The following DOCK8 variants were observed in gnomAD, a reference collection of about 807,000 sequenced individuals.
The protein encoded by DOCK8 is dedicator of cytokinesis protein 8.
In DOCK8, 141 loss-of-function variants were observed where a neutral mutation model predicts 245.6. That is an observed-to-expected ratio of 0.57 (90% confidence interval 0.50 to 0.66). The LOEUF (loss-of-function observed/expected upper bound fraction) is 0.66. Among genes scored for constraint, DOCK8 ranks in the 30% least tolerant of loss-of-function variants. The pLI, the probability that DOCK8 is intolerant of heterozygous loss-of-function variation, is 0.00. For missense variants in DOCK8, 2,965 were observed against 2,603.4 expected, an observed-to-expected ratio of 1.14 and a Z score of -3.02; for synonymous variants, 1,168 against 970.2, an observed-to-expected ratio of 1.20 and a Z score of -3.79.
chr9:343,302 G>A (rs76558374), intron 14 of DOCK8, among the ~76,000 whole-genome samples: 4,769 of 152,066 alleles, frequency 0.031, 256 homozygotes, highest in African/African-American at 0.11. Flanking sequence ...AGATCAGCCC[G>A]GGCAACATAG....
At chr9:232,894 C>T (rs1342206648) in intron 1 of DOCK8, among the ~76,000 whole-genome samples, 1 of 152,118 alleles carries the variant, frequency 6.6e-6, no homozygotes, top group Non-Finnish European at 1.5e-5. Context: ...GTTTCTGTTT[C>T]CTTCAGTTCT....
intron 26 of DOCK8, among the ~76,000 whole-genome samples, chr9:400,947 T>TCCTC (rs1268171943): frequency 3.5e-5 from 1 of 28,554 alleles, no homozygotes. Context: ...ACCACCACCA[T>TCCTC]CACCACCACC....
At chr9:396,079 T>C (rs2054441153) in intron 24 of DOCK8, among the ~76,000 whole-genome samples, 1 of 152,080 alleles carries the variant, frequency 6.6e-6, no homozygotes, top group African/African-American at 2.4e-5. Context: ...TGTCATTTGG[T>C]GACTGTCTGC....
At chr9:412,748 TGAAA>T (rs1425895724) in intron 28 of DOCK8, among the ~76,000 whole-genome samples, 3 of 152,128 alleles carry the variant, frequency 2.0e-5, no homozygotes, top group Non-Finnish European at 2.9e-5. Flanking sequence ...AAAACACTGT[TGAAA>T]GAAAGATATA....
intron 24 of DOCK8, 149 bp downstream of exon 24, chr9:390,715 T>G: frequency 1.3e-6 from 1 of 749,852 alleles, no homozygotes. Context: ...CTCCCATCCT[T>G]CTTCCACTAA....
At chr9:394,727 C>A (rs1258889950) in intron 24 of DOCK8, among the ~76,000 whole-genome samples, 1 of 152,206 alleles carries the variant, frequency 6.6e-6, no homozygotes, top group Non-Finnish European at 1.5e-5. Context: ...TAGAGGTACC[C>A]TTACTTTAAA....
At chr9:412,981 G>A (rs2055816350) in intron 28 of DOCK8, among the ~76,000 whole-genome samples, 1 of 151,242 alleles carries the variant, frequency 6.6e-6, no homozygotes, top group Non-Finnish European at 1.5e-5. Flanking sequence ...GAACAAAATT[G>A]GAGGACTCAC....
chr9:388,825 A>AT (rs749826079), intron 23 of DOCK8, among the ~76,000 whole-genome samples: 1 of 152,146 alleles, frequency 6.6e-6, no homozygotes, highest in Non-Finnish European at 1.5e-5. Context: ...AAGTGCTAGG[A>AT]TTACAGGCAT....
At chr9:253,674 A>T (rs1009514333) in intron 1 of DOCK8, among the ~76,000 whole-genome samples, 2 of 152,180 alleles carry the variant, frequency 1.3e-5, no homozygotes, top group African/African-American at 4.8e-5. Context: ...CCTTGACCAA[A>T]AGCCTTGTCC....
chr9:407,045 C>A lies in DOCK8; in HGVS notation c.3506C>A (p.Ala1169Asp). The A allele has an allele frequency of 3.7e-6, 6 of 1,614,134 alleles. No individual in the cohort carries two copies. The highest frequency in any genetic ancestry group is 5.1e-6 in the Non-Finnish European group (6 of 1,180,030). ...LTGLLFTELA[A>D]ALDAEGEGIS... ...GGGCTCCTCTTCACAGAACTGGCTG[C>A]TGCCCTGGATGCCGAAGGGGAAGGG... The change falls in exon 28 of 48, where the codon GCT becomes GAT. Residue 1169 changes from alanine (A) to aspartate (D), a missense_variant. This residue lies in a region of DOCK8 where 2,825 missense variants were observed against 2,453.5 expected (regional missense o/e 1.15). Coordinates refer to ENST00000432829, the MANE Select transcript of DOCK8 (RefSeq NM_203447.4).
rs1250201966 is a variant in DOCK8, at chr9:215,037, G to C, written c.53+8G>C. The C allele has an allele frequency of 6.4e-7, 1 of 1,572,664 alleles. No homozygotes were observed. The highest frequency in any genetic ancestry group is 1.4e-5 in the African/African-American group (1 of 72,124). ...CGCGCTCAAGATCAACAGGTAAGAC[G>C]CCCCCCGCGGCGCGCAGGTTGCGGC... On this transcript the variant is annotated splice_region_variant and intron_variant, in intron 1 of 47. Coordinates refer to ENST00000432829, the MANE Select transcript of DOCK8 (RefSeq NM_203447.4).
intron 26 of DOCK8, among the ~76,000 whole-genome samples, chr9:403,161 T>C (rs2055194498): frequency 6.6e-6 from 1 of 152,200 alleles, no homozygotes; most frequent in South Asian, 2.1e-4. Flanking sequence ...AGTGCTGGGA[T>C]TACAGGTGTG....
At position 291,057 on chromosome 9, in the gene DOCK8, A is replaced by C. The variant is rs551701583; in HGVS notation, c.404+1476A>C. On this transcript the variant is annotated intron_variant, in intron 4 of 47. Coordinates refer to ENST00000432829, the MANE Select transcript of DOCK8 (RefSeq NM_203447.4). ...TCAGATAAAATTATGGTTTGCTGAT[A>C]ATAAATAAAAGATTTCAGAACAAGT... Among the ~76,000 whole-genome samples, 8 of 152,366 alleles carry C rather than the reference A, an allele frequency of 5.3e-5. No individual in the cohort carries two copies. The East Asian group carries it at 5.8e-4, about 11-fold the overall frequency.
In DOCK8 at chr9:377,154, G is replaced by T; in HGVS notation, c.2383G>T (p.Val795Leu). The T allele has an allele frequency of 6.2e-7, 1 of 1,606,230 alleles. No individual in the cohort carries two copies. Reference protein sequence around the residue: ...LEPLVLFLHLVLDKLFQLSVQ... With the variant: ...LEPLVLFLHLLLDKLFQLSVQ... ...GCCGCTCGTGCTCTTCCTGCACCTG[G>T]TGCTGGACAAGCTCTTCCAGCTGTC... Residue 795 changes from valine to leucine, a missense_variant, in exon 20 of 48, where the codon GTG becomes TTG. By Grantham distance (32) the Val-to-Leu change is conservative. Transcript: ENST00000432829.
rs1450572801 is a variant in DOCK8 at position 304,698 on chromosome 9, T to C, written c.522T>C (p.Ala174=). 1.1e-5 allele frequency: 17 copies of C among 1,614,068 alleles called. No individual in the cohort carries two copies. Among genetic ancestry groups the C allele is most frequent in the Non-Finnish European group, 1.3e-5 (15 of 1,180,018 alleles). Residue 174 remains alanine, a synonymous_variant, in exon 5 of 48, where the codon GCT becomes GCC. Transcript: ENST00000432829. The stretch of plus-strand genomic sequence containing the variant: ...AAACCTTGGAGTGCAGTGAACCCGC[T>C]GCTCAGGTATTTCCTGTCAACAAAC... ...ESETLECSEP[A]AQAGPRHLNV...
intron 11 of DOCK8, among the ~76,000 whole-genome samples, chr9:335,124 AT>A (rs2130885166): frequency 6.6e-6 from 1 of 152,312 alleles, no homozygotes; most frequent in African/African-American, 2.4e-5. Context: ...TCCCAGCAAA[AT>A]TTCCAGTTCG....
chr9:382,502 G>T lies in DOCK8; in HGVS notation c.2606-11G>T. 6.2e-7 allele frequency: 1 copy of T among 1,613,334 alleles called. No individual in the cohort carries two copies. The highest frequency in any genetic ancestry group is 1.7e-5 in the Admixed American group (1 of 60,012). ...CTGTCTGTTGACATGTCTCTGCCTGGTGGGGTGCAGGCGCTCCCACTGCCC... is the reference window on the plus strand; with the variant it reads ...CTGTCTGTTGACATGTCTCTGCCTGTTGGGGTGCAGGCGCTCCCACTGCCC... On this transcript the variant is annotated splice_polypyrimidine_tract_variant and intron_variant, in intron 21 of 47. Coordinates refer to ENST00000432829, the MANE Select transcript of DOCK8 (RefSeq NM_203447.4).
chr9:401,823 C>T (rs1228805205), intron 26 of DOCK8, among the ~76,000 whole-genome samples: 2 of 152,130 alleles, frequency 1.3e-5, no homozygotes, highest in East Asian at 3.9e-4. Flanking sequence ...TGAACGCACG[C>T]AGTCTCATCT....
intron 28 of DOCK8, among the ~76,000 whole-genome samples, chr9:412,870 G>C (rs2055810776): frequency 7.8e-6 from 1 of 127,854 alleles, no homozygotes; most frequent in Non-Finnish European, 1.6e-5. Context: ...CAGAATTCTA[G>C]CTTGCTTTTT....
Sources: gnomAD v4.1 joint callset for allele counts (sites outside exome capture counted in the v4.1 genomes callset) on GRCh38, gnomAD v4.1.1 for gene constraint, gnomAD v4.1.1 regional missense constraint, MANE v1.5 for transcripts, NCBI Gene and HGNC (gene_info 2026-07-23, HGNC 2026-07-21) for gene names.